Variants in LONP1 observed in about 807,000 individuals in gnomAD.
LONP1 encodes lon peptidase 1, mitochondrial.
LONP1 carries 31 observed loss-of-function variants against 98.5 expected under a neutral mutation model. The observed-to-expected ratio is 0.31, with a 90% CI of 0.24 to 0.42. The LOEUF (loss-of-function observed/expected upper bound fraction) is 0.42. Among genes scored for constraint, LONP1 ranks in the 20% least tolerant of loss-of-function variants. The probability of loss-of-function intolerance (pLI) is 1.00; values close to 1 mark genes in which losing one functional copy is unlikely to be tolerated. For synonymous variants in LONP1, 781 were observed against 594.7 expected (o/e 1.31, Z -4.56); for missense variants, 1,336 against 1,350.6 (o/e 0.99, Z 0.17).
chr19:5,708,080 T>C, intron 5 of LONP1: 1 of 608,156 alleles, frequency 1.6e-6, no homozygotes, highest in South Asian at 2.0e-5. Context: ...CTCAGCAGTC[T>C]GCTCCCCACT....
At chr19:5,692,537 G>A (rs558972211) in intron 17 of LONP1, among the ~76,000 whole-genome samples, 1 of 152,302 alleles carries the variant, frequency 6.6e-6, no homozygotes, top group South Asian at 2.1e-4. Flanking sequence ...GTCAGGCAGT[G>A]TCTGGGGCCT....
intron 8 of LONP1, among the ~76,000 whole-genome samples, chr19:5,703,784 C>G (rs1176000056): frequency 6.6e-6 from 1 of 151,940 alleles, no homozygotes; most frequent in Non-Finnish European, 1.5e-5. Flanking sequence ...ATCTTGGTGA[C>G]ACGCAGGTAC....
chr19:5,692,386 C>CA (rs1337521645), intron 17 of LONP1, 178 bp from the exon 18 acceptor site: 1 of 570,740 alleles, frequency 1.8e-6, no homozygotes, highest in Non-Finnish European at 3.0e-6. Flanking sequence ...AGGCTCAAGG[C>CA]AAAACCACTG....
At chr19:5,697,217 C>T (rs1320590695) in intron 10 of LONP1, among the ~76,000 whole-genome samples, 2 of 152,038 alleles carry the variant, frequency 1.3e-5, no homozygotes, top group Non-Finnish European at 2.9e-5. Context: ...AATCCCAGGC[C>T]CCACGAGAGA....
At chr19:5,696,207 T>C in intron 12 of LONP1, 37 bp from the exon 13 acceptor site, 2 of 1,612,658 alleles carry the variant, frequency 1.2e-6, no homozygotes, top group South Asian at 2.2e-5. Flanking sequence ...GACTGGCCGC[T>C]TACCCTCCCC....
Position 5,697,298 on chromosome 19 carries a change from G to T in LONP1, c.1686-541C>A, listed in dbSNP as rs1210071055. On this transcript the variant is annotated intron_variant, in intron 10 of 17. Transcript: ENST00000360614. ...GGATGGAGGGACTGAGATGCCACTG[G>T]GATGTGTGTGACACTTTAAGTGTGC... is the stretch of plus-strand genomic sequence containing the variant. Among the ~76,000 whole-genome samples the T allele has an allele frequency of 2.0e-5, 3 of 151,916 alleles. No homozygotes were observed. The South Asian group carries it at 6.2e-4, about 32-fold the overall frequency.
chr19:5,708,937 C>CA (rs2055192168), intron 4 of LONP1: 1 of 150,120 alleles, frequency 6.7e-6, no homozygotes, highest in African/African-American at 2.5e-5. Context: ...GGCGTGAACC[C>CA]AGGAGATGGA....
chr19:5,707,236 G>C, intron 6 of LONP1, 93 bp from the exon 7 acceptor site: 3 of 946,180 alleles, frequency 3.2e-6, no homozygotes, highest in Non-Finnish European at 5.0e-6. Context: ...CCTGAGAGAT[G>C]CTGCCGGGAG....
chr19:5,707,011 C>A (rs539215355), intron 7 of LONP1, 49 bp downstream of exon 7: 3 of 1,494,610 alleles, frequency 2.0e-6, no homozygotes, highest in Admixed American at 3.6e-5. Flanking sequence ...TGTCACGTGG[C>A]CCGAGGGGAA....
In LONP1 at chr19:5,719,904, C is replaced by T; in HGVS notation, c.229G>A (p.Gly77Ser). Residue 77 changes from glycine to serine, a missense_variant, in exon 1 of 18, where the codon GGC becomes AGC. Physicochemically the swap from Gly to Ser is moderately conservative, Grantham distance 56. Coordinates refer to ENST00000360614, the MANE Select transcript of LONP1 (RefSeq NM_004793.4). ...GFWEASSRGG[G>S]AFSGGEDASE... ...GCGTCCTCGCCCCCCGAGAATGCGCCTCCGCCGCGGCTGCTCGCTTCCCAA... is the reference window on the plus strand; with the variant it reads ...GCGTCCTCGCCCCCCGAGAATGCGCTTCCGCCGCGGCTGCTCGCTTCCCAA... The T allele has an allele frequency of 6.4e-7, 1 of 1,552,558 alleles. No individual in the cohort carries two copies. The highest frequency in any genetic ancestry group is 1.4e-5 in the African/African-American group (1 of 72,900).
rs536283050 is a variant in LONP1 at position 5,694,263 on chromosome 19, A to AC, written c.2320+123dup. 2.7e-4 allele frequency: 348 copies of AC among 1,304,994 alleles called. 3 individuals carry two copies. In the East Asian group the frequency reaches 7.3e-3, roughly 27 times the overall value. 80.8% of individuals were successfully genotyped at this position (1,304,994 alleles called of 1,614,324 possible). A position where few individuals can be genotyped will look rare whatever the true frequency, so the allele number is the denominator to read the frequency against. ...AGACCCCCTGGGCTCCCAGCACACC[A>AC]CCCCCCGCCAGAGGCCGTTCAGAGC... On this transcript the variant is annotated intron_variant, in intron 15 of 17. Transcript: ENST00000360614.
intron 8 of LONP1, among the ~76,000 whole-genome samples, chr19:5,703,013 A>G (rs1327056405): frequency 6.7e-6 from 1 of 149,222 alleles, no homozygotes; most frequent in Non-Finnish European, 1.5e-5. Context: ...AGAATGATCA[A>G]TAAAAAAAAA....
At chr19:5,720,269 G>A (rs2055421655), upstream of LONP1, 10 of 1,220,482 alleles carry the variant, frequency 8.2e-6, no homozygotes, top group South Asian at 3.8e-5. Flanking sequence ...GGGCCTACGC[G>A]GAGAAGAGGG....
Position 5,696,142 on chromosome 19 carries a change from G to A in LONP1, c.1925C>T (p.Thr642Met), listed in dbSNP as rs371606894. 115 of 1,612,950 alleles carry A rather than the reference G, an allele frequency of 7.1e-5. No homozygotes were observed. The Middle Eastern group carries it at 9.9e-4, about 14-fold the overall frequency. Residue 642 changes from threonine (T) to methionine (M), a missense_variant, in exon 13 of 18, where the codon ACG becomes ATG. Around this residue, in one of 5 missense-constraint regions of LONP1, gnomAD observed 555 missense variants for 542.6 expected, o/e 1.02. Transcript: ENST00000360614. ...TCGCAGCGGCTCGGGGATGGTGTCCGTGACGTTGGCCGTGCAGATGAACAG... is the reference window on the plus strand; with the variant it reads ...TCGCAGCGGCTCGGGGATGGTGTCCATGACGTTGGCCGTGCAGATGAACAG... The part of the protein sequence containing the change: ...KVLFICTANV[T>M]DTIPEPLRDR...
chr19:5,707,174 G>A (rs762057027), intron 6 of LONP1, 31 bp from the exon 7 acceptor site: 25 of 1,587,930 alleles, frequency 1.6e-5, no homozygotes, highest in Non-Finnish European at 2.1e-5. Flanking sequence ...GAAAGGATGA[G>A]CAGAAGTCGG....
In LONP1 at chr19:5,694,421, G is replaced by A. The variant is rs531578379; in HGVS notation, c.2286C>T (p.Pro762=). The A allele has an allele frequency of 2.2e-5, 36 of 1,613,486 alleles. No individual in the cohort carries two copies. The highest frequency in any genetic ancestry group is 2.1e-4 in the South Asian group (19 of 91,080). ...TVERMYDVTP[P]GVVMGLAWTA... is the part of the protein sequence containing the mutation. Reference sequence around the variant, plus strand: ...TCCAGGCCAGCCCCATGACCACGCCGGGCGGTGTCACGTCATACATGCGCT... The same window carrying A: ...TCCAGGCCAGCCCCATGACCACGCCAGGCGGTGTCACGTCATACATGCGCT... The change falls in exon 15 of 18, where the codon CCC becomes CCT. Residue 762 remains proline (P), a synonymous_variant. Transcript: ENST00000360614.
chr19:5,701,600 C>A (rs184091983), intron 8 of LONP1, among the ~76,000 whole-genome samples: 1 of 152,212 alleles, frequency 6.6e-6, no homozygotes, highest in Admixed American at 6.5e-5. Context: ...CCCGAGGTGC[C>A]GGGATTGCAG....
At chr19:5,692,589 C>G (rs1241002962) in intron 17 of LONP1, among the ~76,000 whole-genome samples, 1 of 152,128 alleles carries the variant, frequency 6.6e-6, no homozygotes, top group Non-Finnish European at 1.5e-5. Context: ...GCCCCCAGGC[C>G]CTGCGTCACC....
chr19:5,705,206 T>C (rs1348595398), intron 8 of LONP1, among the ~76,000 whole-genome samples: 2 of 149,330 alleles, frequency 1.3e-5, no homozygotes, highest in African/African-American at 2.5e-5. Context: ...CCTGTAATCC[T>C]AGCACTTTGG....
Sources: allele counts gnomAD v4.1 joint callset (sites outside exome capture counted in the v4.1 genomes callset), GRCh38; gene constraint gnomAD v4.1.1; regional missense constraint gnomAD v4.1.1; transcripts MANE v1.5; gene names NCBI Gene and HGNC (gene_info 2026-07-23, HGNC 2026-07-21).